TANGO6: variants seen among roughly 807,000 people sequenced by gnomAD.
The protein encoded by TANGO6 is transport and golgi organization 6 homolog.
In TANGO6, 90 loss-of-function variants were observed where a neutral mutation model predicts 114.2. That is an observed-to-expected ratio of 0.79 (90% CI 0.66 to 0.94). The LOEUF is 0.94. TANGO6 is among the 40% of genes least tolerant of loss of function. TANGO6 has a pLI of 0.00. For synonymous variants in TANGO6, 477 were observed against 509.8 expected, an observed-to-expected ratio of 0.94 and a Z score of 0.87; for missense variants, 1,274 against 1,315.3, an observed-to-expected ratio of 0.97 and a Z score of 0.49.
At chr16:68,962,366 G>A (rs1174415413) in intron 14 of TANGO6, among the ~76,000 whole-genome samples, 1 of 152,114 alleles carries the variant, frequency 6.6e-6, no homozygotes, top group Non-Finnish European at 1.5e-5. Context: ...TCTTAATCAG[G>A]AGGAAAACTT....
chr16:68,978,637 G>A (rs1963788346), intron 15 of TANGO6, among the ~76,000 whole-genome samples: 2 of 152,062 alleles, frequency 1.3e-5, no homozygotes, highest in African/African-American at 4.8e-5. Flanking sequence ...ATAGCCACTT[G>A]GTAAAGCTTC....
intron 17 of TANGO6, among the ~76,000 whole-genome samples, chr16:69,065,878 A>C (rs1043706117): frequency 3.3e-5 from 5 of 152,140 alleles, no homozygotes; most frequent in Admixed American, 6.6e-5. Flanking sequence ...GGAAAGCATT[A>C]TTCTTCTTCA....
chr16:69,069,194 C>T (rs1459051617), intron 17 of TANGO6, among the ~76,000 whole-genome samples: 3 of 152,176 alleles, frequency 2.0e-5, no homozygotes. Context: ...GCCTCCTGAC[C>T]ATTAGGCTTA....
At chr16:68,887,523 G>T (rs1962555086) in intron 7 of TANGO6, among the ~76,000 whole-genome samples, 1 of 152,188 alleles carries the variant, frequency 6.6e-6, no homozygotes, top group African/African-American at 2.4e-5. Context: ...AGCAAAGTTT[G>T]TTGGGGCTGG....
At chr16:69,045,079 C>G (rs776758277) in intron 17 of TANGO6, among the ~76,000 whole-genome samples, 38 of 150,028 alleles carry the variant, frequency 2.5e-4, no homozygotes, top group Non-Finnish European at 4.4e-4. Context: ...ATTGTTTGAA[C>G]CGGGAGGCAA....
At chr16:69,061,815 C>G (rs1236473595) in intron 17 of TANGO6, among the ~76,000 whole-genome samples, 1 of 151,990 alleles carries the variant, frequency 6.6e-6, no homozygotes, top group Admixed American at 6.6e-5. Flanking sequence ...GTCAGGAAAT[C>G]GAGACAATCC....
chr16:68,947,697 T>G (rs1311428142), intron 14 of TANGO6, among the ~76,000 whole-genome samples: 1 of 149,036 alleles, frequency 6.7e-6, no homozygotes, highest in Non-Finnish European at 1.5e-5. Context: ...GTTCAAGAAA[T>G]TCTTCTGCCT....
At chr16:68,908,607 G>A (rs1962883205) in intron 10 of TANGO6, among the ~76,000 whole-genome samples, 1 of 152,182 alleles carries the variant, frequency 6.6e-6, no homozygotes, top group Non-Finnish European at 1.5e-5. Flanking sequence ...TTGAGCCCAG[G>A]AGGCAGAGGT....
intron 15 of TANGO6, among the ~76,000 whole-genome samples, chr16:69,016,654 T>C (rs925340992): frequency 7.2e-5 from 11 of 152,068 alleles, no homozygotes; most frequent in Admixed American, 6.6e-4. Context: ...ATTTATTTTA[T>C]GTATTTTATT....
chr16:68,866,023 T>G (rs1203435549), intron 3 of TANGO6, among the ~76,000 whole-genome samples: 1 of 152,206 alleles, frequency 6.6e-6, no homozygotes, highest in Non-Finnish European at 1.5e-5. Context: ...TGTTGTGAAC[T>G]ACCCTCTTAG....
intron 9 of TANGO6, among the ~76,000 whole-genome samples, chr16:68,904,849 A>G (rs1962829054): frequency 6.6e-6 from 1 of 152,190 alleles, no homozygotes; most frequent in Non-Finnish European, 1.5e-5. Flanking sequence ...TGGTAATCCC[A>G]GCACTTTGGA....
chr16:68,870,049 T>A (rs1962244541), intron 4 of TANGO6, among the ~76,000 whole-genome samples: 1 of 152,174 alleles, frequency 6.6e-6, no homozygotes, highest in South Asian at 2.1e-4. Context: ...GAGAACATGA[T>A]CAAATCTGCA....
At chr16:69,043,668 G>A (rs1349080929) in intron 17 of TANGO6, among the ~76,000 whole-genome samples, 2 of 152,122 alleles carry the variant, frequency 1.3e-5, no homozygotes, top group Non-Finnish European at 2.9e-5. Flanking sequence ...TATAATCAGG[G>A]GCACTTTAAT....
intron 14 of TANGO6, among the ~76,000 whole-genome samples, chr16:68,949,261 C>T (rs1172071523): frequency 6.6e-6 from 1 of 152,150 alleles, no homozygotes; most frequent in African/African-American, 2.4e-5. Context: ...TAAGTAAGCA[C>T]GTAGCTTTCT....
chr16:68,924,515 C>T (rs757835619), intron 12 of TANGO6, among the ~76,000 whole-genome samples: 4 of 150,822 alleles, frequency 2.7e-5, no homozygotes, highest in East Asian at 3.9e-4. Flanking sequence ...CAGCTGGGCA[C>T]GGTGGCTCAT....
chr16:69,033,029 T>C (rs1233812411), intron 16 of TANGO6, among the ~76,000 whole-genome samples: 1 of 149,902 alleles, frequency 6.7e-6, no homozygotes, highest in Non-Finnish European at 1.5e-5. Context: ...CCACTAAAAA[T>C]ACAAAAATTA....
intron 17 of TANGO6, among the ~76,000 whole-genome samples, chr16:69,063,808 C>CTTATTATTATTA (rs1179628552): frequency 1.6e-5 from 2 of 125,576 alleles, no homozygotes; most frequent in African/African-American, 3.3e-5. Context: ...TCTTCTTCTT[C>CTTATTATTATTA]TTATTATTAT....
At chr16:68,985,394 A>G (rs1481617362) in intron 15 of TANGO6, among the ~76,000 whole-genome samples, 1 of 152,036 alleles carries the variant, frequency 6.6e-6, no homozygotes, top group Non-Finnish European at 1.5e-5. Context: ...AAGGGAAGTT[A>G]TTAGGTCAAC....
chr16:69,070,829 A>G (rs1960289107), intron 17 of TANGO6, among the ~76,000 whole-genome samples: 1 of 150,764 alleles, frequency 6.6e-6, no homozygotes, highest in Non-Finnish European at 1.5e-5. Flanking sequence ...GCTGGAATGT[A>G]ATGGGGTGGT....
Sources: gnomAD v4.1 joint callset for allele counts (sites outside exome capture counted in the v4.1 genomes callset) on GRCh38, gnomAD v4.1.1 for gene constraint, MANE v1.5 for transcripts, NCBI Gene and HGNC (gene_info 2026-07-23, HGNC 2026-07-21) for gene names.